The following NUP93 variants were observed in gnomAD, a reference collection of about 807,000 sequenced individuals.
NUP93 encodes nuclear pore complex protein Nup93.
Under a neutral mutation model 107.8 loss-of-function variants are expected in NUP93, and 55 were observed. The ratio of observed to expected loss-of-function variants is 0.51; its 90% CI spans 0.41 to 0.64. The LOEUF (loss-of-function observed/expected upper bound fraction) is 0.64, where lower values mean the gene tolerates loss of function less well. Ranked by LOEUF, NUP93 falls within the 30% of genes least tolerant of loss-of-function variation. NUP93 has a pLI of 0.00. For synonymous variants in NUP93, 390 were observed against 397.5 expected (o/e 0.98, Z 0.22); for missense variants, 937 against 1,044.7 (o/e 0.90, Z 1.42).
Position 56,834,266 on chromosome 16 carries a change from T to C in NUP93, c.1664+12T>C. The C allele has an allele frequency of 6.2e-7, 1 of 1,613,866 alleles. No homozygotes were observed. The highest frequency in any genetic ancestry group is 1.1e-5 in the South Asian group (1 of 91,086). On this transcript the variant is annotated intron_variant, in intron 14 of 21. Coordinates refer to ENST00000308159, the MANE Select transcript of NUP93 (RefSeq NM_014669.5). Reference sequence around the variant, plus strand: ...TTCTATTTCCTCAGGTAACATTTGCTTTTGACCATTTACTTCAGCTAGTTT... The same window carrying C: ...TTCTATTTCCTCAGGTAACATTTGCCTTTGACCATTTACTTCAGCTAGTTT...
At chr16:56,807,864 TAAC>T (rs1386780995) in intron 5 of NUP93, among the ~76,000 whole-genome samples, 2 of 151,080 alleles carry the variant, frequency 1.3e-5, no homozygotes. Flanking sequence ...CTACTAAAAA[TAAC>T]AACAATTAGC....
chr16:56,793,631 C>G (rs1028439299), intron 3 of NUP93, among the ~76,000 whole-genome samples: 2 of 152,082 alleles, frequency 1.3e-5, no homozygotes, highest in South Asian at 4.2e-4. Flanking sequence ...AAAGGGAAGT[C>G]AGGAGATCTG....
chr16:56,746,997 A>AT (rs1261707762), intron 1 of NUP93, among the ~76,000 whole-genome samples: 1,923 of 143,470 alleles, frequency 0.013, 15 homozygotes, highest in African/African-American at 0.022. Flanking sequence ...TAGCAATGTA[A>AT]TTTTTTTTTT....
chr16:56,780,245 G>A (rs114061705), intron 3 of NUP93, among the ~76,000 whole-genome samples: 1 of 152,298 alleles, frequency 6.6e-6, no homozygotes, highest in African/African-American at 2.4e-5. Flanking sequence ...ATCTGCTATG[G>A]CACCACATAG....
chr16:56,780,671 A>C (rs1160183499), intron 3 of NUP93, among the ~76,000 whole-genome samples: 1 of 152,234 alleles, frequency 6.6e-6, no homozygotes, highest in Non-Finnish European at 1.5e-5. Context: ...AAGAACCGTC[A>C]GTAGTCAAAT....
Position 56,841,607 on chromosome 16 carries a change from G to A in NUP93, c.2221-98G>A. On this transcript the variant is annotated intron_variant, in intron 20 of 21. Coordinates refer to ENST00000308159, the MANE Select transcript of NUP93 (RefSeq NM_014669.5). ...CCACCTGGCAATGGTGAGGAGTGGTGCAACCAGGCCTGCCTGGAGCAGCCC... is the reference window on the plus strand; with the variant it reads ...CCACCTGGCAATGGTGAGGAGTGGTACAACCAGGCCTGCCTGGAGCAGCCC... 4 of 1,467,506 alleles carry A rather than the reference G, an allele frequency of 2.7e-6. No individual in the cohort carries two copies. The South Asian group carries it at 5.2e-5, about 19-fold the overall frequency. 90.9% of individuals were successfully genotyped at this position (1,467,506 alleles called of 1,614,324 possible).
intron 20 of NUP93, 25 bp downstream of exon 20, chr16:56,839,629 G>A: frequency 1.3e-6 from 2 of 1,574,866 alleles, no homozygotes; most frequent in South Asian, 1.1e-5. Flanking sequence ...CCTGAGTTGT[G>A]GAATTCCTTT....
chr16:56,841,616 C>T (rs941480001), intron 20 of NUP93, 89 bp from the exon 21 acceptor site: 43 of 1,518,886 alleles, frequency 2.8e-5, no homozygotes, highest in Non-Finnish European at 3.4e-5. Flanking sequence ...TGCAACCAGG[C>T]CTGCCTGGAG....
chr16:56,838,982 A>G lies in NUP93; in HGVS notation c.2049A>G (p.Lys683=). 2 of 1,614,122 alleles carry G rather than the reference A, an allele frequency of 1.2e-6. No individual in the cohort carries two copies. The change falls in exon 19 of 22, where the codon AAA becomes AAG. Residue 683 remains lysine (K), a synonymous_variant. Coordinates refer to ENST00000308159, the MANE Select transcript of NUP93 (RefSeq NM_014669.5). ...GGGCTCAAGGAATAAGCGCAAATAA[A>G]TTTGTGGACTCCACGTTCTATCTTC... is the stretch of plus-strand genomic sequence containing the variant. ...RYRAQGISAN[K]FVDSTFYLLL...
chr16:56,736,280 C>G (rs1260384872), intron 1 of NUP93, among the ~76,000 whole-genome samples: 1 of 152,198 alleles, frequency 6.6e-6, no homozygotes, highest in Non-Finnish European at 1.5e-5. Flanking sequence ...TTGCAGTGAG[C>G]TGAGATCACG....
chr16:56,817,034 G>C (rs1173507383), intron 5 of NUP93, among the ~76,000 whole-genome samples: 1 of 152,166 alleles, frequency 6.6e-6, no homozygotes, highest in Non-Finnish European at 1.5e-5. Flanking sequence ...AGGTGGCAGA[G>C]TGTAAAGATG....
intron 3 of NUP93, among the ~76,000 whole-genome samples, chr16:56,766,616 C>T (rs572076503): frequency 6.6e-6 from 1 of 152,322 alleles, no homozygotes; most frequent in East Asian, 1.9e-4. Flanking sequence ...GATGGCAGCC[C>T]TTTACCCATG....
intron 21 of NUP93, chr16:56,842,701 C>T (rs1452027806): frequency 3.6e-5 from 15 of 420,974 alleles, no homozygotes; most frequent in African/African-American, 8.4e-5. Context: ...TACAGGTACG[C>T]ACCACCACAC....
intron 3 of NUP93, among the ~76,000 whole-genome samples, chr16:56,795,727 A>G (rs554652092): frequency 6.6e-6 from 1 of 151,882 alleles, no homozygotes; most frequent in South Asian, 2.1e-4. Context: ...GCTCACTGCA[A>G]CCTCTGCCTC....
At position 56,770,783 on chromosome 16, in the gene NUP93, G is replaced by A. The variant is rs1962305257; in HGVS notation, c.297+12128G>A. ...TAGACTGTAAAAGTGGCCCTCATAGGCCGGGCGCAGTAGCTCAAGCCTGTA... is the reference window on the plus strand; with the variant it reads ...TAGACTGTAAAAGTGGCCCTCATAGACCGGGCGCAGTAGCTCAAGCCTGTA... On this transcript the variant is annotated intron_variant, in intron 3 of 21. Coordinates refer to ENST00000308159, the MANE Select transcript of NUP93 (RefSeq NM_014669.5). 2.0e-5 allele frequency among the ~76,000 whole-genome samples: 3 copies of A among 152,142 alleles called. No homozygotes were observed. The South Asian group carries it at 6.2e-4, about 32-fold the overall frequency.
chr16:56,762,894 G>C (rs1254607288), intron 3 of NUP93, among the ~76,000 whole-genome samples: 1 of 152,126 alleles, frequency 6.6e-6, no homozygotes, highest in Non-Finnish European at 1.5e-5. Flanking sequence ...TTCCTTGTGT[G>C]TGTCAGGTCT....
chr16:56,839,516 A>T lies in NUP93; in HGVS notation c.2137-5A>T. The stretch of plus-strand genomic sequence containing the variant: ...TTACATGGGGCCGGTGGTTGTTTTA[A>T]ACAGATCATTGAGCGCTTGAAGCTG... On this transcript the variant is annotated splice_region_variant and splice_polypyrimidine_tract_variant and intron_variant, in intron 19 of 21. Transcript: ENST00000308159. 2 of 1,607,400 alleles carry T rather than the reference A, an allele frequency of 1.2e-6. No individual in the cohort carries two copies. The highest frequency in any genetic ancestry group is 8.5e-7 in the Non-Finnish European group (1 of 1,177,632).
At chr16:56,798,010 T>G (rs1392471206) in intron 3 of NUP93, among the ~76,000 whole-genome samples, 34 of 152,206 alleles carry the variant, frequency 2.2e-4, no homozygotes, top group Non-Finnish European at 1.6e-4. Context: ...TTTTTAGAAT[T>G]TCCCAGATAT....
intron 3 of NUP93, among the ~76,000 whole-genome samples, chr16:56,762,309 T>G (rs1228030943): frequency 4.6e-5 from 7 of 152,206 alleles, no homozygotes; most frequent in Non-Finnish European, 7.3e-5. Flanking sequence ...TTCACTAGAT[T>G]GCATGTATAT....
Sources: allele counts gnomAD v4.1 joint callset (sites outside exome capture counted in the v4.1 genomes callset), GRCh38; gene constraint gnomAD v4.1.1; transcripts MANE v1.5; gene names NCBI Gene and HGNC (gene_info 2026-07-23, HGNC 2026-07-21).